CDK7: variants seen among roughly 807,000 people sequenced by gnomAD.
CDK7 encodes the protein cyclin-dependent kinase 7.
A neutral mutation model predicts 49.1 loss-of-function variants in CDK7; 25 were observed. That is an observed-to-expected ratio of 0.51 (90% CI 0.37 to 0.71). The LOEUF is 0.71. Ranked by LOEUF, CDK7 falls within the 30% of genes least tolerant of loss-of-function variation. The pLI, the probability that CDK7 is intolerant of heterozygous loss-of-function variation, is 0.00. For missense variants in CDK7, 316 were observed against 411.7 expected, an observed-to-expected ratio of 0.77 and a Z score of 2.01; for synonymous variants, 107 against 140.0, an observed-to-expected ratio of 0.76 and a Z score of 1.67.
At chr5:69,267,947 A>C (rs192792461) in intron 8 of CDK7, among the ~76,000 whole-genome samples, 1 of 152,222 alleles carries the variant, frequency 6.6e-6, no homozygotes, top group Non-Finnish European at 1.5e-5. Context: ...AATATTATTT[A>C]ATATCCTTTT....
intron 2 of CDK7, among the ~76,000 whole-genome samples, chr5:69,236,098 GGGT>G (rs1442674548): frequency 1.3e-5 from 2 of 152,164 alleles, no homozygotes; most frequent in East Asian, 3.9e-4. Flanking sequence ...AATATTAGCT[GGGT>G]GTGGTGGCAC....
chr5:69,236,504 C>T (rs980273506), intron 2 of CDK7, among the ~76,000 whole-genome samples: 3 of 151,498 alleles, frequency 2.0e-5, no homozygotes, highest in Non-Finnish European at 4.4e-5. Context: ...AAAACCCTAA[C>T]TCCTTGGAAG....
At chr5:69,263,910 T>G (rs1750986793) in intron 8 of CDK7, among the ~76,000 whole-genome samples, 1 of 152,244 alleles carries the variant, frequency 6.6e-6, no homozygotes, top group Non-Finnish European at 1.5e-5. Context: ...TTGGCATTGT[T>G]GCTGGAATCA....
At chr5:69,256,406 T>C (rs998619483) in intron 5 of CDK7, among the ~76,000 whole-genome samples, 2 of 152,062 alleles carry the variant, frequency 1.3e-5, no homozygotes, top group African/African-American at 2.4e-5. Context: ...CGTGCTGGAG[T>C]ACAGTGGCGC....
chr5:69,237,435 TATC>T (rs1278726322), intron 2 of CDK7, among the ~76,000 whole-genome samples: 1 of 152,196 alleles, frequency 6.6e-6, no homozygotes, highest in East Asian at 1.9e-4. Context: ...GCTGATTCCT[TATC>T]ATCCAGGCTT....
chr5:69,234,855 G>A (rs535383936), upstream of CDK7: 3 of 984,660 alleles, frequency 3.0e-6, no homozygotes, highest in South Asian at 1.5e-5. Context: ...GTGAGGCGGG[G>A]ATACTAAAGC....
At position 69,242,295 on chromosome 5, in the gene CDK7, G is replaced by A. The variant is rs1003669796; in HGVS notation, c.126+6842G>A. On this transcript the variant is annotated intron_variant, in intron 2 of 11. Coordinates refer to ENST00000256443, the MANE Select transcript of CDK7 (RefSeq NM_001799.4). ...ATAGTTTGGTAGGCAGTGGGCTAAG[G>A]AATGGGGAATGCTGATTGGTTGGGT... 6.6e-5 allele frequency among the ~76,000 whole-genome samples: 10 copies of A among 152,276 alleles called. No homozygotes were observed. In the South Asian group the frequency reaches 8.3e-4, roughly 13 times the overall value.
At chr5:69,244,426 G>T (rs1459098633) in intron 2 of CDK7, among the ~76,000 whole-genome samples, 1 of 151,846 alleles carries the variant, frequency 6.6e-6, no homozygotes, top group African/African-American at 2.4e-5. Context: ...AGGAGGCCGA[G>T]GTGGGCGGAT....
At chr5:69,247,753 T>C (rs1749852704) in intron 2 of CDK7, among the ~76,000 whole-genome samples, 2 of 152,174 alleles carry the variant, frequency 1.3e-5, no homozygotes, top group African/African-American at 2.4e-5. Flanking sequence ...TCTATTGTTA[T>C]GTTTTTAGAT....
chr5:69,264,925 C>A (rs751122654), intron 8 of CDK7, among the ~76,000 whole-genome samples: 1 of 150,006 alleles, frequency 6.7e-6, no homozygotes, highest in Non-Finnish European at 1.5e-5. Flanking sequence ...AGCTGGAGAT[C>A]ACACCATTGC....
At chr5:69,259,957 C>T in intron 7 of CDK7, 21 bp downstream of exon 7, 1 of 1,405,172 alleles carries the variant, frequency 7.1e-7, no homozygotes, top group South Asian at 1.2e-5. Context: ...CTTAAAGCTA[C>T]ATGTGCAGGA....
At chr5:69,256,855 C>T (rs971589239) in intron 5 of CDK7, among the ~76,000 whole-genome samples, 2 of 149,404 alleles carry the variant, frequency 1.3e-5, no homozygotes, top group African/African-American at 4.9e-5. Flanking sequence ...ATTCCCATCT[C>T]GAAAAAAGAA....
At chr5:69,248,790 CTTTTTTTTTTTCTTTTTTTT>C (rs1016631795) in intron 2 of CDK7, among the ~76,000 whole-genome samples, 1 of 110,480 alleles carries the variant, frequency 9.1e-6, no homozygotes, top group Non-Finnish European at 1.9e-5. Flanking sequence ...ACCTTCTTTT[CTTTTTTTTTTTCTTTTTTTT>C]TTTTTTTTTG....
chr5:69,276,518 C>T (rs1178006863), intron 10 of CDK7, 25 bp from the exon 11 acceptor site: 1 of 1,608,872 alleles, frequency 6.2e-7, no homozygotes, highest in Non-Finnish European at 8.5e-7. Flanking sequence ...ACCTACCTTA[C>T]TTTTGGTATC....
chr5:69,241,659 C>T (rs1749397539), intron 2 of CDK7, among the ~76,000 whole-genome samples: 2 of 152,072 alleles, frequency 1.3e-5, no homozygotes, highest in African/African-American at 2.4e-5. Flanking sequence ...TTCTGATGCT[C>T]AGTGATGTTG....
intron 9 of CDK7, among the ~76,000 whole-genome samples, chr5:69,271,890 C>T (rs931743712): frequency 2.7e-5 from 4 of 150,070 alleles, no homozygotes; most frequent in Admixed American, 6.6e-5. Flanking sequence ...TAGAGTTTAC[C>T]TTTATATGAT....
chr5:69,250,441 C>T (rs1231770258), intron 2 of CDK7, among the ~76,000 whole-genome samples: 1 of 152,138 alleles, frequency 6.6e-6, no homozygotes, highest in Non-Finnish European at 1.5e-5. Flanking sequence ...AGGAGTTGCT[C>T]CTGTGTCCAT....
chr5:69,249,327 G>T (rs1321324957), intron 2 of CDK7, among the ~76,000 whole-genome samples: 1 of 151,938 alleles, frequency 6.6e-6, no homozygotes, highest in African/African-American at 2.4e-5. Flanking sequence ...GATCACTTGA[G>T]CTCAGGAGTT....
intron 8 of CDK7, among the ~76,000 whole-genome samples, chr5:69,263,718 C>A (rs1262684623): frequency 2.0e-5 from 3 of 152,144 alleles, no homozygotes; most frequent in Non-Finnish European, 4.4e-5. Context: ...CAGAAATTCA[C>A]ACTGAGAATT....
Sources: gnomAD v4.1 joint callset for allele counts (sites outside exome capture counted in the v4.1 genomes callset) on GRCh38, gnomAD v4.1.1 for gene constraint, MANE v1.5 for transcripts, NCBI Gene and HGNC (gene_info 2026-07-23, HGNC 2026-07-21) for gene names.